The following COG6 variants were observed in gnomAD, a reference collection of about 807,000 sequenced individuals.
COG6 encodes conserved oligomeric Golgi complex subunit 6.
In COG6, 74 loss-of-function variants were observed where a neutral mutation model predicts 88.8. That is an observed-to-expected ratio of 0.83 (90% CI 0.69 to 1.01). The LOEUF is 1.01. Ranked by LOEUF, COG6 falls within the 50% of genes least tolerant of loss-of-function variation. The pLI, the probability that COG6 is intolerant of heterozygous loss-of-function variation, is 0.00. For missense variants in COG6, 800 were observed against 797.9 expected (o/e 1.00, Z -0.03); for synonymous variants, 286 against 278.7 (o/e 1.03, Z -0.26).
At chr13:39,741,336 T>C (rs1420987433) in intron 18 of COG6, among the ~76,000 whole-genome samples, 2 of 152,002 alleles carry the variant, frequency 1.3e-5, no homozygotes, top group African/African-American at 2.4e-5. Flanking sequence ...TTCGAACCCA[T>C]TGCAAGGAAG....
At chr13:39,709,803 T>C (rs918293642) in intron 13 of COG6, among the ~76,000 whole-genome samples, 2 of 152,128 alleles carry the variant, frequency 1.3e-5, no homozygotes, top group Admixed American at 6.6e-5. Context: ...GATGGGCACT[T>C]AGGTTGATTC....
intron 11 of COG6, among the ~76,000 whole-genome samples, chr13:39,690,486 A>G (rs1876923373): frequency 6.6e-6 from 1 of 152,014 alleles, no homozygotes; most frequent in Non-Finnish European, 1.5e-5. Context: ...AGCAGATGGT[A>G]AATACCTTTA....
chr13:39,682,421 G>C (rs1242552721), intron 8 of COG6, 157 bp downstream of exon 8: 2 of 598,676 alleles, frequency 3.3e-6, no homozygotes, highest in African/African-American at 3.8e-5. Context: ...TGTTTCATGG[G>C]GTATCAGCTT....
Position 39,719,762 on chromosome 13 carries a change from A to C in COG6, c.1519A>C (p.Met507Leu). 6.2e-7 allele frequency: 1 copy of C among 1,612,634 alleles called. No homozygotes were observed. The highest frequency in any genetic ancestry group is 8.5e-7 in the Non-Finnish European group (1 of 1,178,906). ...CACTTTCATGGTCAATTCACTATAT[A>C]TGATGAAGACAACATTAGCTCTATT... ...MATFMVNSLY[M>L]MKTTLALFEF... The change falls in exon 15 of 19, where the codon ATG becomes CTG. Residue 507 changes from methionine to leucine, a missense_variant. Transcript: ENST00000455146.
In COG6 at chr13:39,719,247, A is replaced by G. The variant is rs1878710008; in HGVS notation, c.1296A>G (p.Pro432=). 6.2e-7 allele frequency: 1 copy of G among 1,612,692 alleles called. No individual in the cohort carries two copies. Among genetic ancestry groups the G allele is most frequent in the Non-Finnish European group, 8.5e-7 (1 of 1,179,026 alleles). The change falls in exon 14 of 19, where the codon CCA becomes CCG. Residue 432 remains proline, a synonymous_variant. Coordinates refer to ENST00000455146, the MANE Select transcript of COG6 (RefSeq NM_020751.3). ...ASKLMDKVEL[P]PPDLGPSSAL... ...ATCTCTTGTTTTAGGTTGAACTCCC[A>G]CCACCTGATCTTGGACCAAGTTCTG...
At chr13:39,755,984 A>G (rs1228526538), downstream of COG6, among the ~76,000 whole-genome samples, 2 of 152,334 alleles carry the variant, frequency 1.3e-5, no homozygotes, top group African/African-American at 2.4e-5. Flanking sequence ...GGGCAAGAGA[A>G]TCTAATCTGA....
chr13:39,747,914 C>A (rs750768716), intron 18 of COG6, among the ~76,000 whole-genome samples: 6 of 152,232 alleles, frequency 3.9e-5, no homozygotes, highest in Middle Eastern at 3.4e-3. Flanking sequence ...TTACAAGTTA[C>A]TCTGAACTTT....
intron 8 of COG6, among the ~76,000 whole-genome samples, chr13:39,687,138 C>T (rs1876695216): frequency 6.6e-6 from 1 of 151,836 alleles, no homozygotes; most frequent in Non-Finnish European, 1.5e-5. Context: ...TGAAATATAC[C>T]GAAACCTAGT....
At chr13:39,747,133 A>T (rs1364526446) in intron 18 of COG6, among the ~76,000 whole-genome samples, 1 of 152,204 alleles carries the variant, frequency 6.6e-6, no homozygotes. Flanking sequence ...TTCAACTAGA[A>T]TGTAAGCCTT....
At chr13:39,724,424 T>G in intron 16 of COG6, 84 bp from the exon 17 acceptor site, 1 of 1,068,166 alleles carries the variant, frequency 9.4e-7, no homozygotes, top group Non-Finnish European at 1.4e-6. Context: ...AGTGCACTAA[T>G]GAACTATATT....
intron 13 of COG6, among the ~76,000 whole-genome samples, chr13:39,702,394 C>T (rs181280841): frequency 2.6e-3 from 395 of 151,936 alleles, no homozygotes; most frequent in African/African-American, 9.2e-3. Context: ...TTTAAAACTT[C>T]AAAATTCAGC....
At chr13:39,769,742 G>C (rs959482241) in intron 18 of COG6, among the ~76,000 whole-genome samples, 1 of 152,084 alleles carries the variant, frequency 6.6e-6, no homozygotes, top group Non-Finnish European at 1.5e-5. Flanking sequence ...CGGGGCCTTC[G>C]GTTGGTGATT....
At chr13:39,779,825 A>G (rs1881575489) in intron 18 of COG6, among the ~76,000 whole-genome samples, 1 of 152,222 alleles carries the variant, frequency 6.6e-6, no homozygotes, top group Admixed American at 6.5e-5. Flanking sequence ...TTCACCTCTG[A>G]GAATTGAGGT....
intron 18 of COG6, among the ~76,000 whole-genome samples, chr13:39,739,559 A>G (rs1017084241): frequency 5.3e-5 from 8 of 152,126 alleles, no homozygotes; most frequent in Non-Finnish European, 8.8e-5. Flanking sequence ...CAAACATTCC[A>G]TTGCATCAAG....
At chr13:39,773,114 C>G (rs551473621) in intron 18 of COG6, among the ~76,000 whole-genome samples, 154 of 152,332 alleles carry the variant, frequency 1.0e-3, no homozygotes, top group African/African-American at 3.2e-3. Flanking sequence ...TATCCACCCC[C>G]ACTCCTCTTA....
At chr13:39,744,361 T>C (rs531995237) in intron 18 of COG6, among the ~76,000 whole-genome samples, 65 of 152,264 alleles carry the variant, frequency 4.3e-4, no homozygotes, top group South Asian at 3.9e-3. Context: ...AACCCCATTT[T>C]CCCAGCCCAA....
At chr13:39,657,860 C>T (rs996759876) in intron 1 of COG6, among the ~76,000 whole-genome samples, 1 of 152,132 alleles carries the variant, frequency 6.6e-6, no homozygotes, top group Non-Finnish European at 1.5e-5. Flanking sequence ...AAATTTATAA[C>T]TCTGTTTCTG....
intron 18 of COG6, among the ~76,000 whole-genome samples, chr13:39,728,692 C>T (rs548807461): frequency 2.0e-4 from 30 of 149,890 alleles, no homozygotes; most frequent in Non-Finnish European, 3.6e-4. Flanking sequence ...TTTTTTGAGA[C>T]GGCGTCTTGC....
Position 39,782,849 on chromosome 13 carries a change from G to A in COG6, c.1827-5486G>A, listed in dbSNP as rs375412097. Among the ~76,000 whole-genome samples, 29 of 152,224 alleles carry A rather than the reference G, an allele frequency of 1.9e-4. No homozygotes were observed. In the South Asian group the frequency reaches 5.6e-3, roughly 29 times the overall value. ...TGCCTTCTTCCCATGGGATGTGACT[G>A]GTGAATAGGTTAAAAACTAGGACTT... On this transcript the variant is annotated intron_variant, in intron 18 of 18. Coordinates refer to the COG6 transcript ENST00000416691.
Sources: gnomAD v4.1 joint callset for allele counts (sites outside exome capture counted in the v4.1 genomes callset) on GRCh38, gnomAD v4.1.1 for gene constraint, MANE v1.5 for transcripts, NCBI Gene and HGNC (gene_info 2026-07-23, HGNC 2026-07-21) for gene names.